PDE4D: variants seen among roughly 807,000 people sequenced by gnomAD.
PDE4D encodes the protein phosphodiesterase 4D.
Under a neutral mutation model 87.4 loss-of-function variants are expected in PDE4D, and 24 were observed. That is an observed-to-expected ratio of 0.27 (90% CI 0.20 to 0.39). The LOEUF (loss-of-function observed/expected upper bound fraction) is 0.39, where lower values mean the gene tolerates loss of function less well. Among genes scored for constraint, PDE4D ranks in the 10% least tolerant of loss-of-function variants. PDE4D has a pLI of 1.00. For synonymous variants in PDE4D, 384 were observed against 383.2 expected, an observed-to-expected ratio of 1.00 and a Z score of -0.02; for missense variants, 714 against 1,041.0, an observed-to-expected ratio of 0.69 and a Z score of 4.32.
intron 1 of PDE4D, among the ~76,000 whole-genome samples, chr5:60,299,129 A>G (rs937266158): frequency 2.0e-5 from 3 of 152,190 alleles, no homozygotes; most frequent in African/African-American, 7.2e-5. Context: ...GTTTTTTTTC[A>G]ACCTTCTGAT....
At chr5:59,765,182 C>A (rs577524053) in intron 1 of PDE4D, among the ~76,000 whole-genome samples, 1 of 152,260 alleles carries the variant, frequency 6.6e-6, no homozygotes, top group African/African-American at 2.4e-5. Flanking sequence ...ATTCCCAAAG[C>A]AGATCTTGGA....
chr5:60,453,164 T>C (rs913131916), intron 1 of PDE4D, among the ~76,000 whole-genome samples: 1 of 152,152 alleles, frequency 6.6e-6, no homozygotes, highest in South Asian at 2.1e-4. Flanking sequence ...GATACATCTA[T>C]TTAAAAGCAC....
chr5:59,024,636 G>C (rs748493666), intron 6 of PDE4D, among the ~76,000 whole-genome samples: 3 of 151,862 alleles, frequency 2.0e-5, no homozygotes, highest in Non-Finnish European at 4.4e-5. Flanking sequence ...ATTAACACTA[G>C]ATAGAAAAAT....
At chr5:60,004,312 C>T (rs1764277334) in intron 2 of PDE4D, among the ~76,000 whole-genome samples, 1 of 152,074 alleles carries the variant, frequency 6.6e-6, no homozygotes, top group Admixed American at 6.6e-5. Flanking sequence ...CTTTCCCACC[C>T]TCTGCAGAAA....
chr5:59,500,819 G>T (rs145015828), intron 1 of PDE4D, among the ~76,000 whole-genome samples: 1 of 152,076 alleles, frequency 6.6e-6, no homozygotes, highest in Non-Finnish European at 1.5e-5. Flanking sequence ...ACTGGCCATT[G>T]TATCATTTCT....
At position 60,499,601 on chromosome 5, in the gene PDE4D, C is replaced by A. The variant is rs373761501; in HGVS notation, n.70+22450G>T. On this transcript the variant is annotated intron_variant and non_coding_transcript_variant, in intron 1 of 2. Coordinates refer to the PDE4D transcript ENST00000506510. ...TGGATGTTTTCCACAAGAGAAAATT[C>A]TTTCCAAAACTTGGTGCTTATTTTA... is the stretch of plus-strand genomic sequence containing the variant. Among the ~76,000 whole-genome samples the A allele has an allele frequency of 1.3e-5, 2 of 152,116 alleles. 1 individual carries two copies. Among genetic ancestry groups the A allele is most frequent in the South Asian group, 4.1e-4 (2 of 4,832 alleles).
intron 2 of PDE4D, among the ~76,000 whole-genome samples, chr5:60,168,425 T>C (rs1783124676): frequency 1.3e-5 from 2 of 152,300 alleles, no homozygotes; most frequent in Middle Eastern, 3.4e-3. Flanking sequence ...TAACTAACCA[T>C]TCCACTGTAG....
chr5:59,156,431 G>A (rs944392098), intron 5 of PDE4D, among the ~76,000 whole-genome samples: 1 of 149,156 alleles, frequency 6.7e-6, no homozygotes. Flanking sequence ...GTAAGTAGAA[G>A]CATTATGTGG....
intron 1 of PDE4D, among the ~76,000 whole-genome samples, chr5:59,414,947 T>C (rs116388698): frequency 8.9e-4 from 136 of 152,262 alleles, no homozygotes; most frequent in African/African-American, 3.2e-3. Context: ...AGTGAAGAAA[T>C]AGTTTGAACT....
At chr5:60,344,135 TAAC>T (rs200474490) in intron 1 of PDE4D, among the ~76,000 whole-genome samples, 1,806 of 152,182 alleles carry the variant, frequency 0.012, 18 homozygotes, top group Non-Finnish European at 0.018. Context: ...TGAGACAACA[TAAC>T]AATAGGTTAG....
intron 5 of PDE4D, among the ~76,000 whole-genome samples, chr5:59,128,022 GTGTGTGTGTGT>G (rs1157267441): frequency 1.1e-5 from 1 of 93,770 alleles, no homozygotes; most frequent in African/African-American, 5.2e-5. Flanking sequence ...AGCCGTGTGT[GTGTGTGTGTGT>G]GTGTGTGTGT....
intron 1 of PDE4D, among the ~76,000 whole-genome samples, chr5:60,219,563 T>C (rs559538323): frequency 6.6e-6 from 1 of 152,318 alleles, no homozygotes; most frequent in African/African-American, 2.4e-5. Flanking sequence ...CTATGAGCTA[T>C]GAAGTCTACA....
At chr5:59,852,859 G>T (rs1744888762) in intron 1 of PDE4D, among the ~76,000 whole-genome samples, 1 of 151,942 alleles carries the variant, frequency 6.6e-6, no homozygotes, top group South Asian at 2.1e-4. Context: ...GTATTTTAGG[G>T]GAGGTTTCCA....
At chr5:60,017,020 G>A (rs1765582097) in intron 2 of PDE4D, among the ~76,000 whole-genome samples, 2 of 152,168 alleles carry the variant, frequency 1.3e-5, no homozygotes, top group Non-Finnish European at 2.9e-5. Flanking sequence ...AAGTCAAAAT[G>A]ACTCCTAGAT....
At chr5:59,413,261 T>C (rs1397287101) in intron 1 of PDE4D, among the ~76,000 whole-genome samples, 1 of 151,750 alleles carries the variant, frequency 6.6e-6, no homozygotes, top group East Asian at 1.9e-4. Flanking sequence ...ATCGAGACCA[T>C]CCTGGCTAAC....
chr5:59,583,286 C>T (rs1824513894), intron 1 of PDE4D, among the ~76,000 whole-genome samples: 2 of 152,188 alleles, frequency 1.3e-5, no homozygotes, highest in African/African-American at 4.8e-5. Context: ...CATAATGCTT[C>T]TAAAGGTCCT....
intron 1 of PDE4D, among the ~76,000 whole-genome samples, chr5:60,360,614 T>A (rs980654660): frequency 6.6e-6 from 1 of 152,148 alleles, no homozygotes; most frequent in African/African-American, 2.4e-5. Context: ...CACCAGAGAG[T>A]AGAATATAGG....
chr5:59,594,438 A>G (rs1826376146), intron 1 of PDE4D, among the ~76,000 whole-genome samples: 1 of 151,966 alleles, frequency 6.6e-6, no homozygotes, highest in Non-Finnish European at 1.5e-5. Flanking sequence ...CTCCTGCCTC[A>G]GCCTCCCCAG....
chr5:59,780,446 C>A (rs1000963699), intron 1 of PDE4D, among the ~76,000 whole-genome samples: 6 of 152,190 alleles, frequency 3.9e-5, no homozygotes, highest in African/African-American at 1.2e-4. Flanking sequence ...TCTAATATGA[C>A]AATGCCTACA....
Sources: gnomAD v4.1 joint callset for allele counts (sites outside exome capture counted in the v4.1 genomes callset) on GRCh38, gnomAD v4.1.1 for gene constraint, MANE v1.5 for transcripts, NCBI Gene and HGNC (gene_info 2026-07-23, HGNC 2026-07-21) for gene names.